Variants in RHOBTB2 observed in about 807,000 individuals in gnomAD.
The protein encoded by RHOBTB2 is rho-related BTB domain-containing protein 2.
A neutral mutation model predicts 66.5 loss-of-function variants in RHOBTB2; 39 were observed. The observed-to-expected ratio is 0.59, with a 90% CI of 0.45 to 0.77. The LOEUF (loss-of-function observed/expected upper bound fraction) is 0.77, where lower values mean the gene tolerates loss of function less well. Ranked by LOEUF, RHOBTB2 falls within the 30% of genes least tolerant of loss-of-function variation. The probability of loss-of-function intolerance (pLI) is 0.00; values close to 1 mark genes in which losing one functional copy is unlikely to be tolerated. For synonymous variants in RHOBTB2, 390 were observed against 395.0 expected, an observed-to-expected ratio of 0.99 and a Z score of 0.15; for missense variants, 755 against 999.1, an observed-to-expected ratio of 0.76 and a Z score of 3.29.
chr8:22,978,573 CTT>C, the RHOBTB2 span, among the ~76,000 whole-genome samples: 3 of 138,696 alleles, frequency 2.2e-5, no homozygotes, highest in Non-Finnish European at 3.1e-5. Flanking sequence ...ATTTATTGTA[CTT>C]TTTTTTTTTT....
chr8:23,011,253 C>T (rs1377321996), intron 7 of RHOBTB2, among the ~76,000 whole-genome samples: 1 of 152,076 alleles, frequency 6.6e-6, no homozygotes, highest in East Asian at 1.9e-4. Flanking sequence ...AACTGTGTCT[C>T]AAAAACAAAC....
At chr8:22,979,713 T>G in the RHOBTB2 span, among the ~76,000 whole-genome samples, 1 of 149,888 alleles carries the variant, frequency 6.7e-6, no homozygotes, top group East Asian at 2.0e-4. Flanking sequence ...CTTTTTTCTT[T>G]TTTCTTTTTC....
chr8:22,964,784 TTTTATTTA>T, the RHOBTB2 span, among the ~76,000 whole-genome samples: 2,611 of 144,354 alleles, frequency 0.018, 35 homozygotes, highest in African/African-American at 0.042. Context: ...ATTAGCTTTA[TTTTATTTA>T]TTTATTTATT....
the RHOBTB2 span, among the ~76,000 whole-genome samples, chr8:22,962,977 C>A: frequency 6.6e-6 from 1 of 152,200 alleles, no homozygotes; most frequent in South Asian, 2.1e-4. Flanking sequence ...CTAGTGGCCA[C>A]AGAAGTGCTG....
chr8:22,991,046 C>T (rs1392001533), intron 1 of RHOBTB2, among the ~76,000 whole-genome samples: 1 of 152,140 alleles, frequency 6.6e-6, no homozygotes, highest in Non-Finnish European at 1.5e-5. Flanking sequence ...CAAGTCCTTT[C>T]CCTCTTCTTA....
At chr8:23,001,684 C>A (rs779689925) in intron 1 of RHOBTB2, among the ~76,000 whole-genome samples, 8 of 152,288 alleles carry the variant, frequency 5.3e-5, no homozygotes, top group Non-Finnish European at 1.2e-4. Context: ...GTCTTCATAC[C>A]CATTTCCCAG....
At chr8:23,002,068 G>A (rs895517808) in intron 1 of RHOBTB2, among the ~76,000 whole-genome samples, 9 of 152,194 alleles carry the variant, frequency 5.9e-5, no homozygotes, top group African/African-American at 1.2e-4. Context: ...AGGTGCTCCT[G>A]AATTTGAGAA....
chr8:22,988,646 A>G (rs951484259), intron 1 of RHOBTB2, among the ~76,000 whole-genome samples: 2 of 152,046 alleles, frequency 1.3e-5, no homozygotes, highest in Non-Finnish European at 2.9e-5. Flanking sequence ...TTCTGTAGCC[A>G]CACTTGGCCA....
chr8:23,008,038 C>T lies in RHOBTB2; in HGVS notation c.1547C>T (p.Pro516Leu), dbSNP rs1222274449. ...GATGGCACCATCAGCGCCCACAAGC[C>T]CCTGTTGATTTCCAGCTGTGACTGG... Reference protein sequence around the residue: ...LDDGTISAHKPLLISSCDWMA... With the variant: ...LDDGTISAHKLLLISSCDWMA... The change falls in exon 6 of 10, where the codon CCC becomes CTC. Residue 516 changes from proline (P) to leucine (L), a missense_variant. Around this residue, in one of 7 missense-constraint regions of RHOBTB2, gnomAD observed 353 missense variants for 458.2 expected, o/e 0.77. Coordinates refer to ENST00000251822, the MANE Select transcript of RHOBTB2 (RefSeq NM_015178.3). 1 of 1,613,696 alleles carries T rather than the reference C, an allele frequency of 6.2e-7. No individual in the cohort carries two copies. The highest frequency in any genetic ancestry group is 8.5e-7 in the Non-Finnish European group (1 of 1,179,942).
intron 1 of RHOBTB2, among the ~76,000 whole-genome samples, chr8:22,989,115 T>C (rs1585178707): frequency 6.6e-6 from 1 of 152,176 alleles, no homozygotes; most frequent in Admixed American, 6.5e-5. Flanking sequence ...TTCAATTGAG[T>C]TAAAAGTCAC....
upstream of RHOBTB2, chr8:22,995,770 T>C (rs967718747): frequency 7.3e-7 from 1 of 1,366,036 alleles, no homozygotes; most frequent in African/African-American, 1.4e-5. Context: ...GAACACCACG[T>C]GCCCCAGCCT....
Position 22,999,622 on chromosome 8 carries a change from CT to C in RHOBTB2, c.-484del, listed in dbSNP as rs1036853708. ...TTTTACCCTCCCGTTTTTTTCTTTT[CT>C]TTTTTTTTTCCCTATCCTTTTTTTG... On this transcript the variant is annotated 5_prime_UTR_variant, in exon 1 of 10. Coordinates refer to ENST00000251822, the MANE Select transcript of RHOBTB2 (RefSeq NM_015178.3). 1,800 of 1,133,082 alleles carry C rather than the reference CT, an allele frequency of 1.6e-3. 7 individuals carry two copies. The highest frequency in any genetic ancestry group is 0.011 in the African/African-American group (611 of 57,848). The allele number at this position is 1,133,082 out of a possible 1,614,324, so 70.2% of individuals were successfully genotyped here. A position where few individuals can be genotyped will look rare whatever the true frequency, so the allele number is the denominator to read the frequency against.
chr8:23,017,878 T>C lies in RHOBTB2; in HGVS notation c.*409T>C. Reference sequence around the variant, plus strand: ...AAGTGATCCTCGAGGGTCCTGCCCCTGTTGGCCATATCTTTCCACCGACGG... The same window carrying C: ...AAGTGATCCTCGAGGGTCCTGCCCCCGTTGGCCATATCTTTCCACCGACGG... On this transcript the variant is annotated 3_prime_UTR_variant, in exon 10 of 10. Transcript: ENST00000251822. The surrounding 1 kb of genome is among the most constrained non-coding windows in gnomAD (Gnocchi z 5.3). The C allele has an allele frequency of 5.1e-6, 1 of 196,566 alleles. No homozygotes were observed. The highest frequency in any genetic ancestry group is 1.1e-5 in the Non-Finnish European group (1 of 93,874). 12.2% of individuals were successfully genotyped at this position (196,566 alleles called of 1,614,324 possible).
the RHOBTB2 span, among the ~76,000 whole-genome samples, chr8:22,965,900 C>T: frequency 6.6e-6 from 1 of 151,964 alleles, no homozygotes; most frequent in Non-Finnish European, 1.5e-5. Flanking sequence ...AAAAGACAGA[C>T]AACAATAAAA....
chr8:22,978,491 A>C, the RHOBTB2 span, among the ~76,000 whole-genome samples: 5 of 150,920 alleles, frequency 3.3e-5, no homozygotes, highest in African/African-American at 1.2e-4. Flanking sequence ...GTCTCAAAAA[A>C]AAAAAAAACA....
In RHOBTB2 at chr8:23,017,153, A is replaced by G; in HGVS notation, c.1967-99A>G. 3.4e-6 allele frequency: 5 copies of G among 1,484,596 alleles called. No homozygotes were observed. The highest frequency in any genetic ancestry group is 3.7e-6 in the Non-Finnish European group (4 of 1,081,858). The allele number at this position is 1,484,596 out of a possible 1,614,324, so 92.0% of individuals were successfully genotyped here. ...GGGGATGTGCTGGGGGCTGGGCTGG[A>G]GGCCTGCTGCAGGCCTTGTGGTGGG... is the stretch of plus-strand genomic sequence containing the variant. On this transcript the variant is annotated intron_variant, in intron 9 of 9. Transcript: ENST00000251822. This position sits in a 1 kb window ranked among gnomAD's most constrained non-coding sequence, Gnocchi z 5.3.
At chr8:23,002,612 C>T (rs1273591815) in intron 1 of RHOBTB2, among the ~76,000 whole-genome samples, 1 of 152,172 alleles carries the variant, frequency 6.6e-6, no homozygotes, top group Non-Finnish European at 1.5e-5. Context: ...ATCACTTGAA[C>T]CCAGGAGGCA....
chr8:23,010,369 G>A (rs1342733965), intron 6 of RHOBTB2, among the ~76,000 whole-genome samples, 169 bp from the exon 7 acceptor site: 3 of 152,154 alleles, frequency 2.0e-5, no homozygotes, highest in African/African-American at 4.8e-5. Context: ...TCGCTCTAGG[G>A]GTCAGGTGTT....
upstream of RHOBTB2, chr8:22,996,005 G>A (rs374054869): frequency 5.1e-4 from 452 of 888,458 alleles, 6 homozygotes; most frequent in South Asian, 6.2e-3. Flanking sequence ...GGCCTTCACA[G>A]CCACAGGGAG....
Sources: allele counts gnomAD v4.1 joint callset (sites outside exome capture counted in the v4.1 genomes callset), GRCh38; gene constraint gnomAD v4.1.1; regional missense constraint gnomAD v4.1.1; non-coding constraint Gnocchi (gnomAD v3.1); transcripts MANE v1.5; gene names NCBI Gene and HGNC (gene_info 2026-07-23, HGNC 2026-07-21).